Variants in BAG6 observed in about 807,000 individuals in gnomAD.
The protein encoded by BAG6 is large proline-rich protein BAG6.
In BAG6, 22 loss-of-function variants were observed where a neutral mutation model predicts 121.0. That is an observed-to-expected ratio of 0.18 (90% CI 0.13 to 0.26). BAG6 has a LOEUF of 0.26. Ranked by LOEUF, BAG6 falls within the 10% of genes least tolerant of loss-of-function variation. BAG6 has a pLI of 1.00. For synonymous variants in BAG6, 583 were observed against 584.6 expected (o/e 1.00, Z 0.04); for missense variants, 1,233 against 1,537.7 (o/e 0.80, Z 3.31).
chr6:31,641,972 A>G lies in BAG6; in HGVS notation c.2336-27T>C, dbSNP rs1783279824. On this transcript the variant is annotated intron_variant, in intron 16 of 25. Coordinates refer to ENST00000676615, the MANE Select transcript of BAG6 (RefSeq NM_001387994.1). The surrounding 1 kb of genome is among the most constrained non-coding windows in gnomAD (Gnocchi z 5.7). The stretch of plus-strand genomic sequence containing the variant: ...TGGGGGACAAGGGCAGATGTTAGCA[A>G]TGGCCTTTACCACCTGGCCTGCCCA... 1 of 1,610,716 alleles carries G rather than the reference A, an allele frequency of 6.2e-7. No homozygotes were observed. Among genetic ancestry groups the G allele is most frequent in the Admixed American group, 1.7e-5 (1 of 59,918 alleles).
rs778724129 is a variant in BAG6, at chr6:31,639,553, T to G, written c.3340A>C (p.Ser1114Arg). ...GGTGCCTCCAGGTCCCGGCTCAGGC[T>G]CTCGGGGCTCGTCAGGGGCCGAGCT... ...AGARPLTSPE[S>R]LSRDLEAPEV... The change falls in exon 25 of 26, where the codon AGC becomes CGC. Residue 1114 changes from serine to arginine, a missense_variant. Ser to Arg is a moderately radical substitution (Grantham distance 110). Transcript: ENST00000676615. 1 of 1,614,150 alleles carries G rather than the reference T, an allele frequency of 6.2e-7. No individual in the cohort carries two copies. The highest frequency in any genetic ancestry group is 8.5e-7 in the Non-Finnish European group (1 of 1,180,020).
chr6:31,640,941 G>A lies in BAG6; in HGVS notation c.2788-3C>T. ...TTCACCCCACGAGACATACGACGCTGAGGGACAGAAAGCAGATTTAGAACA... is the reference window on the plus strand; with the variant it reads ...TTCACCCCACGAGACATACGACGCTAAGGGACAGAAAGCAGATTTAGAACA... On this transcript the variant is annotated splice_region_variant and splice_polypyrimidine_tract_variant and intron_variant, in intron 20 of 25. Coordinates refer to ENST00000676615, the MANE Select transcript of BAG6 (RefSeq NM_001387994.1). The surrounding 1 kb of genome is among the most constrained non-coding windows in gnomAD (Gnocchi z 4.2). 6.2e-7 allele frequency: 1 copy of A among 1,611,766 alleles called. No homozygotes were observed. Among genetic ancestry groups the A allele is most frequent in the Non-Finnish European group, 8.5e-7 (1 of 1,179,326 alleles).
chr6:31,641,042 C>G lies in BAG6; in HGVS notation c.2787+62G>C, dbSNP rs1782241600. Reference sequence around the variant, plus strand: ...TCAGTTTAGAAAAGAAAAATGAAAACTGCAGAGAATGGAAACCTCAGGAAA... The same window carrying G: ...TCAGTTTAGAAAAGAAAAATGAAAAGTGCAGAGAATGGAAACCTCAGGAAA... On this transcript the variant is annotated intron_variant, in intron 20 of 25. Coordinates refer to ENST00000676615, the MANE Select transcript of BAG6 (RefSeq NM_001387994.1). This position sits in a 1 kb window ranked among gnomAD's most constrained non-coding sequence, Gnocchi z 5.7. The G allele has an allele frequency of 6.2e-7, 1 of 1,601,990 alleles. No individual in the cohort carries two copies. The highest frequency in any genetic ancestry group is 8.5e-7 in the Non-Finnish European group (1 of 1,173,920).
At position 31,639,505 on chromosome 6, in the gene BAG6, G is replaced by C; in HGVS notation, c.3388C>G (p.Gln1130Glu). The C allele has an allele frequency of 1.2e-6, 2 of 1,613,344 alleles. No individual in the cohort carries two copies. The highest frequency in any genetic ancestry group is 1.7e-6 in the Non-Finnish European group (2 of 1,179,488). The change falls in exon 25 of 26, where the codon CAG becomes GAG. Residue 1130 changes from glutamine (Q) to glutamate (E), a missense_variant. Transcript: ENST00000676615. Reference sequence around the variant, plus strand: ...ATTCTGCTTCAAGGTGGCACCTGCTGCCTGTAGCTCTCCTGAACCTCTGGT... The same window carrying C: ...ATTCTGCTTCAAGGTGGCACCTGCTCCCTGTAGCTCTCCTGAACCTCTGGT... ...EAPEVQESYR[Q>E]QLRSDIQKRL... is the part of the protein sequence containing the mutation.
chr6:31,639,806 C>T, intron 24 of BAG6, 160 bp from the exon 25 acceptor site: 1 of 908,328 alleles, frequency 1.1e-6, no homozygotes, highest in South Asian at 1.8e-5. Context: ...AGCAGAAATG[C>T]CTTCCTAATT....
In BAG6 at chr6:31,644,596, C is replaced by A. The variant is rs940075092; in HGVS notation, c.1376G>T (p.Gly459Val). The A allele has an allele frequency of 6.2e-7, 1 of 1,612,450 alleles. No individual in the cohort carries two copies. The highest frequency in any genetic ancestry group is 1.3e-5 in the African/African-American group (1 of 74,884). The change falls in exon 11 of 26, where the codon GGC (glycine) becomes GTC (valine). Residue 459 changes from glycine to valine, a missense_variant. Physicochemically the swap from Gly to Val is moderately radical, Grantham distance 109 (BLOSUM62 -3). Coordinates refer to ENST00000676615, the MANE Select transcript of BAG6 (RefSeq NM_001387994.1). This position sits in a 1 kb window ranked among gnomAD's most constrained non-coding sequence, Gnocchi z 4.9. ...VMMHMNIQDS[G>V]TQPGGVPSAP... ...ACTCGGAACACCACCAGGCTGTGTG[C>A]CAGAATCTGGGCAGGGAGACAGAGA...
At position 31,640,849 on chromosome 6, in the gene BAG6, C is replaced by T; in HGVS notation, c.2877G>A (p.Met959Ile). ...GLRLQVVLEH[M>I]PVGPDAILRY... ...TGAGAATGGCATCAGGGCCTACAGG[C>T]ATGTGCTCCAGTACCACCTGAAGCC... The change falls in exon 21 of 26, where the codon ATG (methionine) becomes ATA (isoleucine). Residue 959 changes from methionine (M) to isoleucine (I), a missense_variant. Physicochemically the swap from Met to Ile is conservative, Grantham distance 10. Coordinates refer to ENST00000676615, the MANE Select transcript of BAG6 (RefSeq NM_001387994.1). This position sits in a 1 kb window ranked among gnomAD's most constrained non-coding sequence, Gnocchi z 4.2. 2 of 1,612,710 alleles carry T rather than the reference C, an allele frequency of 1.2e-6. No individual in the cohort carries two copies. The highest frequency in any genetic ancestry group is 1.7e-6 in the Non-Finnish European group (2 of 1,180,040).
In BAG6 at chr6:31,644,056, A is replaced by C; in HGVS notation, c.1668+26T>G. On this transcript the variant is annotated intron_variant, in intron 13 of 25. Transcript: ENST00000676615. The surrounding 1 kb of genome is among the most constrained non-coding windows in gnomAD (Gnocchi z 4.9). ...GGAGTCTCTCCCTAGACTGTTACGC[A>C]CTAGAACTCCCCGACCCTTGCTCAC... is the stretch of plus-strand genomic sequence containing the variant. 6.2e-7 allele frequency: 1 copy of C among 1,612,864 alleles called. No homozygotes were observed. Among genetic ancestry groups the C allele is most frequent in the Non-Finnish European group, 8.5e-7 (1 of 1,179,218 alleles).
intron 2 of BAG6, among the ~76,000 whole-genome samples, chr6:31,650,787 G>C (rs1309769769): frequency 6.6e-6 from 1 of 151,998 alleles, no homozygotes. Context: ...TTATATCCAG[G>C]TAATATCACA....
At position 31,647,599 on chromosome 6, in the gene BAG6, A is replaced by G; in HGVS notation, c.780T>C (p.Asn260=). ...TTCCCTCCATCTCTCACTTGGGTGC[A>G]TTTGTTTCCGGGGCAGGTGTTGGGC... ...PAGPTPAPET[N]APNHPSPAEY... The change falls in exon 7 of 26, where the codon AAT becomes AAC. Residue 260 remains asparagine, a synonymous_variant. Coordinates refer to ENST00000676615, the MANE Select transcript of BAG6 (RefSeq NM_001387994.1). The G allele has an allele frequency of 2.5e-6, 4 of 1,609,318 alleles. No individual in the cohort carries two copies. Among genetic ancestry groups the G allele is most frequent in the Non-Finnish European group, 3.4e-6 (4 of 1,178,550 alleles).
chr6:31,639,766 G>A (rs1380131538), intron 24 of BAG6, 120 bp from the exon 25 acceptor site: 1 of 1,207,884 alleles, frequency 8.3e-7, no homozygotes, highest in Non-Finnish European at 1.1e-6. Flanking sequence ...GGAGAGAGGG[G>A]AAATTAAGAG....
At position 31,642,232 on chromosome 6, in the gene BAG6, G is replaced by A. The variant is rs1209738370; in HGVS notation, c.2215C>T (p.Leu739Phe). 6.2e-7 allele frequency: 1 copy of A among 1,612,774 alleles called. No individual in the cohort carries two copies. The highest frequency in any genetic ancestry group is 8.5e-7 in the Non-Finnish European group (1 of 1,179,924). The stretch of plus-strand genomic sequence containing the variant: ...CCCAGGGAGCCCAGCAGGGAGCTGA[G>A]CACACCCTGCACCACTGAGGTAAAA... Reference protein sequence around the residue: ...EFFTSVVQGVLSSLLGSLGAR... With the variant: ...EFFTSVVQGVFSSLLGSLGAR... Residue 739 changes from leucine (L) to phenylalanine (F), a missense_variant, in exon 16 of 26, where the codon CTC (leucine) becomes TTC (phenylalanine). By Grantham distance (22) the Leu-to-Phe change is conservative. Coordinates refer to ENST00000676615, the MANE Select transcript of BAG6 (RefSeq NM_001387994.1).
chr6:31,651,709 C>T lies in BAG6; in HGVS notation c.55G>A (p.Val19Met), dbSNP rs2151067733. 2 of 1,613,048 alleles carry T rather than the reference C, an allele frequency of 1.2e-6. No individual in the cohort carries two copies. Among genetic ancestry groups the T allele is most frequent in the Non-Finnish European group, 1.7e-6 (2 of 1,180,026 alleles). The change falls in exon 2 of 26, where the codon GTG becomes ATG. Residue 19 changes from valine (V) to methionine (M), a missense_variant. Physicochemically the swap from Val to Met is conservative, Grantham distance 21. Transcript: ENST00000676615. ...TGAGAGTCCAAGGTCTTCACCAACA[C>T]CTCCAAGCTGTCAGGCTCCTCCACA... ...TAVEEPDSLE[V>M]LVKTLDSQTR...
At chr6:31,651,610 C>T in intron 2 of BAG6, 46 bp downstream of exon 2, 1 of 1,548,008 alleles carries the variant, frequency 6.5e-7, no homozygotes, top group Non-Finnish European at 8.9e-7. Flanking sequence ...GGGGCCTAAA[C>T]GAGGAAAAGC....
rs778924364 is a variant in BAG6 at position 31,644,065 on chromosome 6, C to T, written c.1668+17G>A. The T allele has an allele frequency of 6.2e-7, 1 of 1,612,994 alleles. No individual in the cohort carries two copies. The highest frequency in any genetic ancestry group is 1.1e-5 in the South Asian group (1 of 90,970). ...CCCTAGACTGTTACGCACTAGAACTCCCCGACCCTTGCTCACCAGTGTCCC... is the reference window on the plus strand; with the variant it reads ...CCCTAGACTGTTACGCACTAGAACTTCCCGACCCTTGCTCACCAGTGTCCC... On this transcript the variant is annotated intron_variant, in intron 13 of 25. Coordinates refer to ENST00000676615, the MANE Select transcript of BAG6 (RefSeq NM_001387994.1). The surrounding 1 kb of genome is among the most constrained non-coding windows in gnomAD (Gnocchi z 4.9).
Position 31,641,717 on chromosome 6 carries a change from G to A in BAG6, c.2505+59C>T. The A allele has an allele frequency of 6.2e-7, 1 of 1,611,744 alleles. No homozygotes were observed. Among genetic ancestry groups the A allele is most frequent in the African/African-American group, 1.3e-5 (1 of 74,936 alleles). On this transcript the variant is annotated intron_variant, in intron 17 of 25. Coordinates refer to ENST00000676615, the MANE Select transcript of BAG6 (RefSeq NM_001387994.1). This position sits in a 1 kb window ranked among gnomAD's most constrained non-coding sequence, Gnocchi z 5.7. ...GCTTTACCTGGCAGAGAAGCAGTCAGAAATAAGGAATAAAATGTGCAAAAG... is the reference window on the plus strand; with the variant it reads ...GCTTTACCTGGCAGAGAAGCAGTCAAAAATAAGGAATAAAATGTGCAAAAG...
intron 2 of BAG6, 100 bp downstream of exon 2, chr6:31,651,556 A>AT: frequency 3.6e-6 from 4 of 1,115,586 alleles, no homozygotes; most frequent in Non-Finnish European, 5.3e-6. Context: ...AGAAAAAAAA[A>AT]GAAAATCTGG....
At chr6:31,647,974 G>C in intron 6 of BAG6, 148 bp from the exon 7 acceptor site, 1 of 1,075,004 alleles carries the variant, frequency 9.3e-7, no homozygotes, top group Non-Finnish European at 1.2e-6. Flanking sequence ...CTAGCAACTA[G>C]CATAAGACTG....
chr6:31,651,785 G>C lies in BAG6; in HGVS notation c.-13-9C>G, dbSNP rs781713931. 2 of 1,608,172 alleles carry C rather than the reference G, an allele frequency of 1.2e-6. No individual in the cohort carries two copies. The highest frequency in any genetic ancestry group is 1.7e-5 in the Admixed American group (1 of 60,000). On this transcript the variant is annotated splice_polypyrimidine_tract_variant and intron_variant, in intron 1 of 25. Transcript: ENST00000676615. ...CCATGGCCGACAGGTCTCTAAAGAA[G>C]AACGAAGGAAGGAAGGCCCGCTGTT...
Sources: gnomAD v4.1 joint callset for allele counts (sites outside exome capture counted in the v4.1 genomes callset) on GRCh38, gnomAD v4.1.1 for gene constraint, Gnocchi (gnomAD v3.1) non-coding constraint, MANE v1.5 for transcripts, NCBI Gene and HGNC (gene_info 2026-07-23, HGNC 2026-07-21) for gene names.